LRMDA: variants seen among roughly 807,000 people sequenced by gnomAD.
LRMDA encodes leucine-rich melanocyte differentiation-associated protein.
A neutral mutation model predicts 29.8 loss-of-function variants in LRMDA; 18 were observed. The observed-to-expected ratio is 0.60, with a 90% CI of 0.42 to 0.90. The LOEUF is 0.90. Ranked by LOEUF, LRMDA falls within the 40% of genes least tolerant of loss-of-function variation. The pLI, the probability that LRMDA is intolerant of heterozygous loss-of-function variation, is 0.00. For synonymous variants in LRMDA, 125 were observed against 109.4 expected, an observed-to-expected ratio of 1.14 and a Z score of -0.89; for missense variants, 273 against 273.9, an observed-to-expected ratio of 1.00 and a Z score of 0.02.
At chr10:75,649,434 T>C (rs185348891) in intron 2 of LRMDA, among the ~76,000 whole-genome samples, 27 of 152,342 alleles carry the variant, frequency 1.8e-4, no homozygotes, top group African/African-American at 5.3e-4. Flanking sequence ...CAGCACTTTG[T>C]TTTTTGAACA....
intron 2 of LRMDA, among the ~76,000 whole-genome samples, chr10:75,732,436 A>C (rs569286168): frequency 2.0e-5 from 3 of 152,364 alleles, no homozygotes; most frequent in Non-Finnish European, 2.9e-5. Context: ...CCAAACTAAC[A>C]AATGCTAAAT....
intron 4 of LRMDA, among the ~76,000 whole-genome samples, chr10:76,053,290 T>C (rs1848559927): frequency 6.6e-6 from 1 of 152,196 alleles, no homozygotes. Context: ...GCCCTTGTGA[T>C]TGCAGGTTAT....
At chr10:75,517,763 A>AT (rs1456192427) in intron 2 of LRMDA, among the ~76,000 whole-genome samples, 1 of 152,186 alleles carries the variant, frequency 6.6e-6, no homozygotes, top group Non-Finnish European at 1.5e-5. Context: ...GAGAGAGGGC[A>AT]TCCTTGTCTT....
At chr10:76,344,112 G>A (rs1450585909) in intron 6 of LRMDA, among the ~76,000 whole-genome samples, 1 of 152,032 alleles carries the variant, frequency 6.6e-6, no homozygotes, top group African/African-American at 2.4e-5. Flanking sequence ...GTGAGCCACT[G>A]CACCTGGCCA....
At chr10:76,249,691 T>C (rs1313174897) in intron 5 of LRMDA, among the ~76,000 whole-genome samples, 3 of 152,230 alleles carry the variant, frequency 2.0e-5, no homozygotes, top group Non-Finnish European at 4.4e-5. Context: ...TTAATATTTT[T>C]TAATAGGTCA....
chr10:75,768,632 G>T (rs116011817), intron 2 of LRMDA, among the ~76,000 whole-genome samples: 1 of 152,006 alleles, frequency 6.6e-6, no homozygotes, highest in East Asian at 1.9e-4. Context: ...CTCCAAATGC[G>T]GTCTTTCAGT....
intron 2 of LRMDA, among the ~76,000 whole-genome samples, chr10:75,710,027 G>C (rs1409414958): frequency 6.6e-6 from 1 of 152,208 alleles, no homozygotes; most frequent in Non-Finnish European, 1.5e-5. Context: ...GTGCAGGTTG[G>C]TGTTGTCAGC....
intron 2 of LRMDA, among the ~76,000 whole-genome samples, chr10:75,730,837 T>C (rs1178357339): frequency 6.6e-6 from 1 of 152,164 alleles, no homozygotes; most frequent in African/African-American, 2.4e-5. Flanking sequence ...CTTTTTTCTA[T>C]ATAAAATTAA....
intron 5 of LRMDA, among the ~76,000 whole-genome samples, chr10:76,146,438 T>C (rs1227382270): frequency 1.3e-5 from 2 of 151,590 alleles, no homozygotes; most frequent in Non-Finnish European, 2.9e-5. Flanking sequence ...CCCTTTACCA[T>C]TATGTAATGG....
chr10:75,708,544 T>C (rs1336715623), intron 2 of LRMDA, among the ~76,000 whole-genome samples: 1 of 151,950 alleles, frequency 6.6e-6, no homozygotes, highest in Non-Finnish European at 1.5e-5. Flanking sequence ...GAAAATGGAG[T>C]GCATGGGAGG....
intron 6 of LRMDA, among the ~76,000 whole-genome samples, chr10:76,457,837 A>G (rs1378747282): frequency 6.6e-6 from 1 of 152,172 alleles, no homozygotes; most frequent in Admixed American, 6.5e-5. Flanking sequence ...AGTATTTGCT[A>G]ATTCAGTGTT....
chr10:76,075,260 TG>T (rs1410252246), intron 5 of LRMDA, among the ~76,000 whole-genome samples: 1 of 152,202 alleles, frequency 6.6e-6, no homozygotes, highest in African/African-American at 2.4e-5. Context: ...ACTGTTAAGG[TG>T]GGCCCTAATC....
chr10:76,387,758 A>G (rs559287086), intron 6 of LRMDA, among the ~76,000 whole-genome samples: 26 of 152,340 alleles, frequency 1.7e-4, no homozygotes, highest in African/African-American at 6.3e-4. Flanking sequence ...GAGCACAAAA[A>G]TAAGTTTTAA....
At chr10:76,547,415 A>G (rs1022257621) in intron 6 of LRMDA, among the ~76,000 whole-genome samples, 2 of 152,208 alleles carry the variant, frequency 1.3e-5, no homozygotes, top group African/African-American at 4.8e-5. Flanking sequence ...CAAACATGAC[A>G]TACTGATCAT....
intron 2 of LRMDA, among the ~76,000 whole-genome samples, chr10:75,619,367 G>A (rs181237403): frequency 6.6e-6 from 1 of 152,100 alleles, no homozygotes; most frequent in Non-Finnish European, 1.5e-5. Context: ...TACTCTCAAG[G>A]GGAAGCTACC....
chr10:75,945,106 A>T (rs1028256968), intron 2 of LRMDA, among the ~76,000 whole-genome samples: 3 of 152,120 alleles, frequency 2.0e-5, no homozygotes, highest in Admixed American at 2.0e-4. Flanking sequence ...ACACTGATAG[A>T]TTGCAATTTC....
intron 5 of LRMDA, among the ~76,000 whole-genome samples, chr10:76,273,691 G>A (rs978429583): frequency 6.6e-6 from 1 of 152,136 alleles, no homozygotes; most frequent in Non-Finnish European, 1.5e-5. Context: ...TGGGGGATAG[G>A]GTTGAGGTGA....
At chr10:75,531,277 G>T (rs557437157) in intron 2 of LRMDA, among the ~76,000 whole-genome samples, 2 of 152,158 alleles carry the variant, frequency 1.3e-5, no homozygotes, top group African/African-American at 4.8e-5. Context: ...TCAGGTGGTC[G>T]AGGAGAACTT....
chr10:76,273,988 T>C (rs1184801624), intron 5 of LRMDA, among the ~76,000 whole-genome samples: 2 of 151,976 alleles, frequency 1.3e-5, no homozygotes, highest in East Asian at 3.9e-4. Context: ...CAGGATTTAC[T>C]TTTTTTTAGA....
Sources: allele counts gnomAD v4.1 joint callset (sites outside exome capture counted in the v4.1 genomes callset), GRCh38; gene constraint gnomAD v4.1.1; transcripts MANE v1.5; gene names NCBI Gene and HGNC (gene_info 2026-07-23, HGNC 2026-07-21).